The following KALRN variants were observed in gnomAD, a reference collection of about 807,000 sequenced individuals.
KALRN encodes the protein kalirin.
KALRN carries 70 observed loss-of-function variants against 353.7 expected under a neutral mutation model. The ratio of observed to expected loss-of-function variants is 0.20; its 90% CI spans 0.16 to 0.24. The LOEUF (loss-of-function observed/expected upper bound fraction) is 0.24. KALRN is among the 10% of genes least tolerant of loss of function. KALRN has a pLI of 1.00. For synonymous variants in KALRN, 1,391 were observed against 1,434.8 expected (o/e 0.97, Z 0.69); for missense variants, 2,791 against 3,756.7 (o/e 0.74, Z 6.72).
At chr3:124,233,960 G>A (rs1366170058) in intron 2 of KALRN, among the ~76,000 whole-genome samples, 1 of 152,056 alleles carries the variant, frequency 6.6e-6, no homozygotes, top group Non-Finnish European at 1.5e-5. Flanking sequence ...CACTTCCTAA[G>A]CATAGTGTCC....
chr3:124,270,834 T>TTG (rs1560421076), intron 5 of KALRN, among the ~76,000 whole-genome samples: 1 of 147,684 alleles, frequency 6.8e-6, no homozygotes, highest in African/African-American at 2.5e-5. Flanking sequence ...GTTTTTTTTT[T>TTG]TTTTTTTTTT....
At chr3:124,113,599 G>A (rs568300847) in intron 1 of KALRN, among the ~76,000 whole-genome samples, 6 of 152,334 alleles carry the variant, frequency 3.9e-5, no homozygotes, top group African/African-American at 7.2e-5. Context: ...CTTGTGACTG[G>A]GATATGTTTC....
chr3:124,490,409 G>T (rs1358205075), intron 29 of KALRN, among the ~76,000 whole-genome samples: 1 of 152,176 alleles, frequency 6.6e-6, no homozygotes, highest in East Asian at 1.9e-4. Context: ...AACTGTGGGT[G>T]TGTGAAGGTG....
intron 1 of KALRN, among the ~76,000 whole-genome samples, chr3:124,182,653 G>T (rs1489016831): frequency 6.6e-6 from 1 of 152,160 alleles, no homozygotes; most frequent in Non-Finnish European, 1.5e-5. Flanking sequence ...AGGATCATTG[G>T]GGGCCTCCCC....
At position 124,441,825 on chromosome 3, in the gene KALRN, C is replaced by CA. The variant is rs1369526298; in HGVS notation, c.3199-114dup. 5.0e-4 allele frequency: 278 copies of CA among 558,508 alleles called. 2 individuals carry two copies. Among genetic ancestry groups the CA allele is most frequent in the South Asian group, 1.2e-3 (42 of 34,548 alleles). 34.6% of individuals were successfully genotyped at this position (558,508 alleles called of 1,614,324 possible). A position where few individuals can be genotyped will look rare whatever the true frequency, so the allele number is the denominator to read the frequency against. On this transcript the variant is annotated intron_variant, in intron 18 of 59. Coordinates refer to ENST00000682506, the MANE Select transcript of KALRN (RefSeq NM_001388419.1). ...TAGGCAACAGAGTGAGACTCTGTCT[C>CA]AAAAAAGAAAAAAAAAAAAAGCAAA...
At chr3:124,455,044 C>A in intron 21 of KALRN, 133 bp from the exon 22 acceptor site, 1 of 870,314 alleles carries the variant, frequency 1.1e-6, no homozygotes, top group Non-Finnish European at 1.8e-6. Context: ...TTAGTAGTAA[C>A]AAAGCTGGGA....
intron 45 of KALRN, 113 bp downstream of exon 45, chr3:124,662,041 C>A: frequency 4.8e-6 from 4 of 826,474 alleles, no homozygotes; most frequent in South Asian, 1.4e-5. Flanking sequence ...CCTTCACTCA[C>A]CACTATGCCT....
intron 34 of KALRN, among the ~76,000 whole-genome samples, chr3:124,605,582 A>AGAGAGAGAG (rs1372089375): frequency 3.2e-5 from 4 of 125,646 alleles, no homozygotes; most frequent in Admixed American, 8.1e-5. Context: ...AAAAAAAAAA[A>AGAGAGAGAG]AAAAAGAGAG....
At chr3:124,075,840 C>A (rs560920939) in intron 1 of KALRN, among the ~76,000 whole-genome samples, 2 of 152,302 alleles carry the variant, frequency 1.3e-5, no homozygotes, top group South Asian at 4.1e-4. Flanking sequence ...TGCATTCTTA[C>A]CAAGAGGCCT....
intron 1 of KALRN, among the ~76,000 whole-genome samples, chr3:124,188,455 A>G (rs1003876847): frequency 6.6e-6 from 1 of 152,196 alleles, no homozygotes; most frequent in Non-Finnish European, 1.5e-5. Context: ...CATTAATATC[A>G]TTATCCCCTC....
At chr3:124,446,653 GT>G in intron 20 of KALRN, 109 bp from the exon 21 acceptor site, 1 of 1,344,792 alleles carries the variant, frequency 7.4e-7, no homozygotes, top group Non-Finnish European at 1.0e-6. Context: ...AATTGTCAGT[GT>G]TTCCTGGGTC....
intron 37 of KALRN, among the ~76,000 whole-genome samples, 161 bp from the exon 38 acceptor site, chr3:124,650,647 G>A (rs2083307596): frequency 6.6e-6 from 1 of 152,224 alleles, no homozygotes; most frequent in Non-Finnish European, 1.5e-5. Flanking sequence ...CCTGCTGCAG[G>A]AGGATAAAGT....
chr3:124,109,332 C>T (rs148987334), intron 1 of KALRN, among the ~76,000 whole-genome samples: 1 of 151,566 alleles, frequency 6.6e-6, no homozygotes, highest in East Asian at 1.9e-4. Flanking sequence ...TCTGACATAT[C>T]CTCCAGTTTA....
chr3:124,531,103 T>C (rs1227771943), intron 33 of KALRN, among the ~76,000 whole-genome samples: 1 of 152,178 alleles, frequency 6.6e-6, no homozygotes, highest in African/African-American at 2.4e-5. Context: ...AAGATAATTC[T>C]GAATGTTCTT....
At chr3:124,642,806 G>GTTTTTTTTTTGTTGTTTTTTTT (rs1553707031) in intron 37 of KALRN, among the ~76,000 whole-genome samples, 1 of 96,840 alleles carries the variant, frequency 1.0e-5, no homozygotes, top group African/African-American at 4.5e-5. Flanking sequence ...CCCAAGCCTC[G>GTTTTTTTTTTGTTGTTTTTTTT]TTTTTTTTTT....
chr3:124,561,101 A>G (rs1028000807), intron 33 of KALRN, among the ~76,000 whole-genome samples: 1 of 152,216 alleles, frequency 6.6e-6, no homozygotes, highest in East Asian at 1.9e-4. Context: ...TATTGTGAGG[A>G]CCAAGTAGAT....
intron 15 of KALRN, among the ~76,000 whole-genome samples, chr3:124,423,782 G>A (rs2092894988): frequency 6.6e-6 from 1 of 152,164 alleles, no homozygotes; most frequent in East Asian, 1.9e-4. Context: ...AAGGAAGAAG[G>A]ATCACTTGAG....
chr3:124,416,283 A>G (rs144106090), intron 14 of KALRN, among the ~76,000 whole-genome samples: 1 of 152,350 alleles, frequency 6.6e-6, no homozygotes, highest in African/African-American at 2.4e-5. Context: ...AAGTATCCAT[A>G]GTAACAGAAA....
chr3:124,623,520 C>T (rs1054780553), intron 34 of KALRN, among the ~76,000 whole-genome samples: 2 of 151,984 alleles, frequency 1.3e-5, no homozygotes, highest in Non-Finnish European at 2.9e-5. Flanking sequence ...AGTCCCAAAA[C>T]TGAAGAACGT....
Sources: allele counts gnomAD v4.1 joint callset (sites outside exome capture counted in the v4.1 genomes callset), GRCh38; gene constraint gnomAD v4.1.1; transcripts MANE v1.5; gene names NCBI Gene and HGNC (gene_info 2026-07-23, HGNC 2026-07-21).